The following POU2AF3 variants were observed in gnomAD, a reference collection of about 807,000 sequenced individuals.
The protein encoded by POU2AF3 is cancer susceptibility candidate 13.
At chr11:111,301,678 T>C in the POU2AF3 span, among the ~76,000 whole-genome samples, 107,681 of 152,082 alleles carry the variant, frequency 0.71, 38,335 homozygotes, top group South Asian at 0.83. Context: ...ACCCAATTCC[T>C]CTTGCCTCTG....
chr11:111,299,629 G>C, the POU2AF3 span: 2 of 1,227,774 alleles, frequency 1.6e-6, no homozygotes, highest in African/African-American at 3.1e-5. Flanking sequence ...CAGGGTCATC[G>C]GGAGCCCCGG....
the POU2AF3 span, chr11:111,299,615 A>G: frequency 8.2e-7 from 1 of 1,225,790 alleles, no homozygotes. Context: ...CTCCCGGCGG[A>G]GTGCAGGGTC....
At chr11:111,300,385 A>G in the POU2AF3 span, 1 of 373,044 alleles carries the variant, frequency 2.7e-6, no homozygotes, top group South Asian at 1.5e-4. Flanking sequence ...TTGGGTTTTT[A>G]CCATCCTTTG....
At chr11:111,304,728 C>G in the POU2AF3 span, 1 of 385,760 alleles carries the variant, frequency 2.6e-6, no homozygotes, top group African/African-American at 2.1e-5. Context: ...GACACTTTCC[C>G]TTTCACTTGT....
At chr11:111,307,388 G>C in the POU2AF3 span, among the ~76,000 whole-genome samples, 1 of 152,176 alleles carries the variant, frequency 6.6e-6, no homozygotes, top group South Asian at 2.1e-4. Flanking sequence ...TCAAAAGTCT[G>C]TGTGGGCATC....
the POU2AF3 span, chr11:111,308,290 C>T: frequency 4.5e-6 from 7 of 1,551,764 alleles, no homozygotes; most frequent in Admixed American, 5.9e-5. Context: ...TCTGCTACTG[C>T]GCATCGTGTG....
the POU2AF3 span, chr11:111,300,531 A>G: frequency 4.6e-4 from 564 of 1,231,128 alleles, no homozygotes; most frequent in Non-Finnish European, 5.5e-4. Context: ...CTCCAGAAAA[A>G]CCGAAGGTGT....
the POU2AF3 span, among the ~76,000 whole-genome samples, chr11:111,303,064 T>C: frequency 2.6e-5 from 4 of 152,206 alleles, no homozygotes; most frequent in Non-Finnish European, 5.9e-5. Context: ...CAGTGTAGTA[T>C]CCACAATTTA....
the POU2AF3 span, chr11:111,300,250 T>G: frequency 3.8e-5 from 12 of 312,508 alleles, no homozygotes; most frequent in East Asian, 6.2e-4. Context: ...AAAAACCCGT[T>G]TGCTATTGGC....
At chr11:111,308,613 C>T in the POU2AF3 span, 5 of 542,224 alleles carry the variant, frequency 9.2e-6, no homozygotes, top group East Asian at 6.5e-5. Context: ...CCGGTCACAG[C>T]GCCACTCCTA....
chr11:111,308,283 G>C, the POU2AF3 span: 1 of 1,551,610 alleles, frequency 6.4e-7, no homozygotes. Flanking sequence ...ACCTCCATCT[G>C]CTACTGCGCA....
At chr11:111,307,172 G>A in the POU2AF3 span, among the ~76,000 whole-genome samples, 6 of 151,724 alleles carry the variant, frequency 4.0e-5, no homozygotes, top group East Asian at 5.9e-4. Flanking sequence ...AAATGAAGCC[G>A]TAATCTTTGA....
the POU2AF3 span, among the ~76,000 whole-genome samples, chr11:111,307,107 T>C: frequency 6.6e-6 from 1 of 152,168 alleles, no homozygotes; most frequent in Admixed American, 6.6e-5. Context: ...TACTAACTGA[T>C]AGTTTGAGTC....
chr11:111,299,347 G>T, the POU2AF3 span: 20 of 990,352 alleles, frequency 2.0e-5, no homozygotes, highest in South Asian at 8.4e-4. Flanking sequence ...CTGCAGGGTA[G>T]TGGTCAGGGC....
At chr11:111,303,480 A>C in the POU2AF3 span, among the ~76,000 whole-genome samples, 4 of 152,254 alleles carry the variant, frequency 2.6e-5, no homozygotes, top group Admixed American at 6.5e-5. Flanking sequence ...GACTAGAAAG[A>C]TAATATCAAG....
the POU2AF3 span, chr11:111,304,860 A>T: frequency 1.1e-6 from 1 of 908,900 alleles, no homozygotes; most frequent in Non-Finnish European, 1.4e-6. Context: ...TCCTCATCAA[A>T]ATGTCTTAGC....
the POU2AF3 span, among the ~76,000 whole-genome samples, chr11:111,301,550 C>T: frequency 2.9e-3 from 441 of 152,132 alleles, 1 homozygote; most frequent in Non-Finnish European, 4.7e-3. Flanking sequence ...CCTTTGACAG[C>T]GGGACTTCTT....
At chr11:111,303,710 G>A in the POU2AF3 span, among the ~76,000 whole-genome samples, 13 of 152,218 alleles carry the variant, frequency 8.5e-5, no homozygotes, top group South Asian at 6.2e-4. Context: ...AGCATGGATC[G>A]TTTTCAAAAT....
At chr11:111,299,648 C>T in the POU2AF3 span, 1 of 1,229,676 alleles carries the variant, frequency 8.1e-7, no homozygotes, top group Non-Finnish European at 1.0e-6. Context: ...GGACGGCTTT[C>T]CCCAGCTCGC....
Sources: gnomAD v4.1 joint callset for allele counts (sites outside exome capture counted in the v4.1 genomes callset) on GRCh38, gnomAD v4.1.1 for gene constraint, MANE v1.5 for transcripts, NCBI Gene and HGNC (gene_info 2026-07-23, HGNC 2026-07-21) for gene names.